The following FAM168A variants were observed in gnomAD, a reference collection of about 807,000 sequenced individuals.
FAM168A encodes the protein protein FAM168A.
A neutral mutation model predicts 28.5 loss-of-function variants in FAM168A; 3 were observed. The observed-to-expected ratio is 0.11, with a 90% confidence interval of 0.05 to 0.27. The LOEUF is 0.27. Among genes scored for constraint, FAM168A ranks in the 10% least tolerant of loss-of-function variants. The probability of loss-of-function intolerance (pLI) is 1.00; values close to 1 mark genes in which losing one functional copy is unlikely to be tolerated. For missense variants in FAM168A, 222 were observed against 311.5 expected (o/e 0.71, Z 2.16); for synonymous variants, 122 against 124.2 (o/e 0.98, Z 0.12).
chr11:73,553,636 C>T (rs1269272563), intron 1 of FAM168A, among the ~76,000 whole-genome samples: 2 of 152,016 alleles, frequency 1.3e-5, no homozygotes, highest in Non-Finnish European at 2.9e-5. Flanking sequence ...AATACTTAGT[C>T]CCTGCAATGA....
intron 2 of FAM168A, among the ~76,000 whole-genome samples, chr11:73,435,186 AC>A (rs982910525): frequency 4.6e-5 from 7 of 152,198 alleles, no homozygotes; most frequent in African/African-American, 1.2e-4. Flanking sequence ...TCATCTCTTT[AC>A]CCCCTGATCA....
intron 2 of FAM168A, 66 bp downstream of exon 2, chr11:73,468,339 G>C: frequency 6.8e-7 from 1 of 1,473,294 alleles, no homozygotes; most frequent in Non-Finnish European, 9.5e-7. Context: ...AGGAGGAGGA[G>C]CAAGTTATTT....
chr11:73,563,031 G>GT (rs1437038957), intron 1 of FAM168A, among the ~76,000 whole-genome samples: 1 of 152,052 alleles, frequency 6.6e-6, no homozygotes, highest in African/African-American at 2.4e-5. Context: ...ACTACTCTCT[G>GT]TATCTTTTAT....
intron 4 of FAM168A, among the ~76,000 whole-genome samples, chr11:73,413,561 C>T (rs1866651482): frequency 6.6e-6 from 1 of 152,134 alleles, no homozygotes; most frequent in Non-Finnish European, 1.5e-5. Context: ...TACGGAGACA[C>T]AATTTACTTA....
At chr11:73,527,318 C>G (rs1371028693) in intron 1 of FAM168A, among the ~76,000 whole-genome samples, 1 of 152,092 alleles carries the variant, frequency 6.6e-6, no homozygotes, top group African/African-American at 2.4e-5. Flanking sequence ...CAAGAGCACC[C>G]CACTGAAAGA....
intron 1 of FAM168A, among the ~76,000 whole-genome samples, chr11:73,488,743 C>A (rs560582214): frequency 1.1e-4 from 17 of 152,286 alleles, no homozygotes; most frequent in African/African-American, 3.6e-4. Flanking sequence ...AGTCATTTCA[C>A]CCCTCTTTCT....
At chr11:73,587,367 C>T (rs115587263) in intron 1 of FAM168A, among the ~76,000 whole-genome samples, 1 of 152,010 alleles carries the variant, frequency 6.6e-6, no homozygotes, top group African/African-American at 2.4e-5. Flanking sequence ...TTTCGGGCAC[C>T]TGTAATGGCA....
At chr11:73,568,271 C>A (rs1474201230) in intron 1 of FAM168A, among the ~76,000 whole-genome samples, 3 of 152,128 alleles carry the variant, frequency 2.0e-5, no homozygotes, top group Non-Finnish European at 4.4e-5. Flanking sequence ...ATGGCTTCCA[C>A]ATTAAAACAA....
chr11:73,518,821 C>T (rs1479277071), intron 1 of FAM168A, among the ~76,000 whole-genome samples: 1 of 152,032 alleles, frequency 6.6e-6, no homozygotes. Flanking sequence ...TGCTTGAACC[C>T]GGGAGGCAGA....
intron 1 of FAM168A, among the ~76,000 whole-genome samples, chr11:73,470,501 A>G (rs1349622163): frequency 6.6e-6 from 1 of 152,218 alleles, no homozygotes; most frequent in Non-Finnish European, 1.5e-5. Context: ...TGATTAGGCC[A>G]TGAGGGATCT....
intron 2 of FAM168A, among the ~76,000 whole-genome samples, chr11:73,450,286 C>T (rs1867402875): frequency 1.3e-5 from 2 of 152,170 alleles, no homozygotes; most frequent in Admixed American, 1.3e-4. Flanking sequence ...CCTAGACAAG[C>T]TCACAAAATT....
chr11:73,525,553 G>A (rs1943437353), intron 1 of FAM168A, among the ~76,000 whole-genome samples: 1 of 152,156 alleles, frequency 6.6e-6, no homozygotes, highest in South Asian at 2.1e-4. Context: ...GCTGAGAAAG[G>A]ATGTGGGAGT....
At chr11:73,438,657 G>T (rs999547820) in intron 2 of FAM168A, among the ~76,000 whole-genome samples, 8 of 152,078 alleles carry the variant, frequency 5.3e-5, no homozygotes, top group Non-Finnish European at 1.2e-4. Context: ...AAACTGGGGG[G>T]TTTCATATGT....
intron 1 of FAM168A, among the ~76,000 whole-genome samples, chr11:73,469,309 G>A (rs917613271): frequency 6.6e-6 from 1 of 152,092 alleles, no homozygotes; most frequent in African/African-American, 2.4e-5. Context: ...TTACTATATA[G>A]CCTGACACAT....
At chr11:73,577,108 G>C (rs1261356022) in intron 1 of FAM168A, among the ~76,000 whole-genome samples, 1 of 152,148 alleles carries the variant, frequency 6.6e-6, no homozygotes, top group East Asian at 1.9e-4. Context: ...ATCCCTTCAG[G>C]AATAGTTCAA....
chr11:73,517,029 G>A (rs956058233), intron 1 of FAM168A, among the ~76,000 whole-genome samples: 5 of 152,056 alleles, frequency 3.3e-5, no homozygotes, highest in African/African-American at 4.8e-5. Flanking sequence ...GCTTACAGTA[G>A]ACAAGAGCAT....
chr11:73,427,148 C>T (rs747573129), intron 3 of FAM168A, among the ~76,000 whole-genome samples: 10 of 152,110 alleles, frequency 6.6e-5, no homozygotes, highest in East Asian at 1.9e-4. Context: ...CGTGCCACCA[C>T]GCCTGGCTAA....
intron 1 of FAM168A, among the ~76,000 whole-genome samples, chr11:73,549,486 A>G (rs971073909): frequency 5.9e-5 from 9 of 152,344 alleles, no homozygotes; most frequent in African/African-American, 1.9e-4. Flanking sequence ...TGTATTGGAC[A>G]GCATGGATAT....
intron 2 of FAM168A, among the ~76,000 whole-genome samples, chr11:73,454,352 A>G (rs113776918): frequency 9.2e-5 from 14 of 152,340 alleles, no homozygotes; most frequent in African/African-American, 2.6e-4. Flanking sequence ...CCTAGATGGG[A>G]AAGTGAAGGC....
Sources: allele counts gnomAD v4.1 joint callset (sites outside exome capture counted in the v4.1 genomes callset), GRCh38; gene constraint gnomAD v4.1.1; transcripts MANE v1.5; gene names NCBI Gene and HGNC (gene_info 2026-07-23, HGNC 2026-07-21).